Variants in CNTNAP5 observed in about 807,000 individuals in gnomAD.
The protein encoded by CNTNAP5 is contactin-associated protein-like 5.
CNTNAP5 carries 72 observed loss-of-function variants against 150.2 expected under a neutral mutation model. The observed-to-expected ratio is 0.48, with a 90% CI of 0.40 to 0.58. CNTNAP5 has a LOEUF of 0.58. Among genes scored for constraint, CNTNAP5 ranks in the 20% least tolerant of loss-of-function variants. The probability of loss-of-function intolerance (pLI) is 0.00; values close to 1 mark genes in which losing one functional copy is unlikely to be tolerated. For synonymous variants in CNTNAP5, 672 were observed against 619.8 expected (o/e 1.08, Z -1.25); for missense variants, 1,636 against 1,626.2 (o/e 1.01, Z -0.10).
intron 12 of CNTNAP5, among the ~76,000 whole-genome samples, chr2:124,618,025 G>A (rs1364059397): frequency 6.6e-6 from 1 of 152,130 alleles, no homozygotes; most frequent in Non-Finnish European, 1.5e-5. Context: ...CCAACCCACT[G>A]AGCTGACTTG....
chr2:124,179,016 T>C (rs1354226219), intron 1 of CNTNAP5, among the ~76,000 whole-genome samples: 2 of 150,982 alleles, frequency 1.3e-5, no homozygotes, highest in African/African-American at 4.9e-5. Flanking sequence ...GCATTGCATT[T>C]TTAGAGCTCT....
At chr2:124,136,615 T>C (rs1231952274) in intron 1 of CNTNAP5, among the ~76,000 whole-genome samples, 1 of 152,216 alleles carries the variant, frequency 6.6e-6, no homozygotes, top group East Asian at 1.9e-4. Flanking sequence ...TTTGTTCAGG[T>C]ACTTGACGTA....
At chr2:124,067,957 C>T (rs1682202232) in intron 1 of CNTNAP5, among the ~76,000 whole-genome samples, 1 of 152,000 alleles carries the variant, frequency 6.6e-6, no homozygotes, top group Non-Finnish European at 1.5e-5. Context: ...TGGATATATA[C>T]AGTCATATTG....
intron 12 of CNTNAP5, among the ~76,000 whole-genome samples, chr2:124,647,173 T>C (rs890752857): frequency 1.3e-5 from 2 of 152,226 alleles, no homozygotes; most frequent in Non-Finnish European, 2.9e-5. Flanking sequence ...TTGTAAATCT[T>C]CCCAAATATT....
intron 19 of CNTNAP5, among the ~76,000 whole-genome samples, chr2:124,810,914 C>T (rs1237574057): frequency 1.3e-5 from 2 of 151,986 alleles, no homozygotes; most frequent in Non-Finnish European, 2.9e-5. Flanking sequence ...ACCAGGATAG[C>T]CCCCCGATGA....
At chr2:124,886,634 T>C (rs1678086819) in intron 21 of CNTNAP5, among the ~76,000 whole-genome samples, 1 of 152,074 alleles carries the variant, frequency 6.6e-6, no homozygotes, top group South Asian at 2.1e-4. Context: ...CAAGCAAACC[T>C]ACTTTTCAGT....
chr2:124,472,115 T>G (rs567241374), intron 6 of CNTNAP5, among the ~76,000 whole-genome samples: 215 of 152,132 alleles, frequency 1.4e-3, no homozygotes, highest in African/African-American at 5.1e-3. Flanking sequence ...AACTAATTTA[T>G]TACTTAAAAT....
chr2:124,850,178 A>G (rs966833093), intron 19 of CNTNAP5, among the ~76,000 whole-genome samples: 2 of 152,232 alleles, frequency 1.3e-5, no homozygotes, highest in Admixed American at 6.5e-5. Flanking sequence ...TGGTAATAAC[A>G]GTAAAAATAG....
At chr2:124,673,542 C>G (rs984170596) in intron 13 of CNTNAP5, among the ~76,000 whole-genome samples, 1 of 151,080 alleles carries the variant, frequency 6.6e-6, no homozygotes, top group Admixed American at 6.6e-5. Context: ...GTTAATATTT[C>G]CAACAGGCTT....
chr2:124,103,580 T>C (rs12104664), intron 1 of CNTNAP5, among the ~76,000 whole-genome samples: 217 of 152,264 alleles, frequency 1.4e-3, no homozygotes, highest in African/African-American at 5.1e-3. Context: ...ACAAATGCCA[T>C]TGTGTTACAA....
intron 1 of CNTNAP5, among the ~76,000 whole-genome samples, chr2:124,205,875 A>G (rs1220089561): frequency 1.3e-5 from 2 of 152,170 alleles, no homozygotes; most frequent in African/African-American, 4.8e-5. Context: ...AGTCATATGT[A>G]CATGATAATT....
At chr2:124,228,313 C>T (rs1018655490) in intron 2 of CNTNAP5, among the ~76,000 whole-genome samples, 2 of 152,128 alleles carry the variant, frequency 1.3e-5, no homozygotes, top group Non-Finnish European at 2.9e-5. Flanking sequence ...ATGGTGCCTG[C>T]TCACATTGGT....
At chr2:124,256,907 T>C (rs1342284079) in intron 3 of CNTNAP5, among the ~76,000 whole-genome samples, 1 of 152,154 alleles carries the variant, frequency 6.6e-6, no homozygotes, top group Non-Finnish European at 1.5e-5. Context: ...GCTGATTAAG[T>C]ACTTAAGGAT....
intron 1 of CNTNAP5, among the ~76,000 whole-genome samples, chr2:124,098,777 G>C (rs951979406): frequency 6.6e-6 from 1 of 152,066 alleles, no homozygotes; most frequent in East Asian, 1.9e-4. Context: ...TTGAGAAATG[G>C]CGTAGAGCTT....
intron 3 of CNTNAP5, among the ~76,000 whole-genome samples, chr2:124,324,272 C>T (rs922221033): frequency 1.3e-5 from 2 of 152,108 alleles, no homozygotes; most frequent in African/African-American, 2.4e-5. Context: ...TTCTAGGCAG[C>T]CTGGGAGTCC....
At chr2:124,138,523 T>C (rs936808157) in intron 1 of CNTNAP5, among the ~76,000 whole-genome samples, 1 of 152,144 alleles carries the variant, frequency 6.6e-6, no homozygotes, top group Non-Finnish European at 1.5e-5. Flanking sequence ...CCTTAAAGTT[T>C]GTTTGTTTAT....
chr2:124,566,064 G>C (rs1274673516), intron 11 of CNTNAP5, among the ~76,000 whole-genome samples: 1 of 151,652 alleles, frequency 6.6e-6, no homozygotes, highest in Admixed American at 6.6e-5. Flanking sequence ...CCAATCTCTA[G>C]GTTTTAAGTC....
intron 12 of CNTNAP5, 47 bp from the exon 13 acceptor site, chr2:124,647,711 G>A: frequency 4.6e-6 from 7 of 1,514,792 alleles, no homozygotes; most frequent in Non-Finnish European, 6.2e-6. Context: ...CTCCATTTTT[G>A]ACATTGCTTC....
intron 1 of CNTNAP5, among the ~76,000 whole-genome samples, chr2:124,072,856 A>G (rs1682341373): frequency 6.6e-6 from 1 of 152,026 alleles, no homozygotes; most frequent in Non-Finnish European, 1.5e-5. Context: ...TAGAAAAAAG[A>G]ATTCTAAAAC....
Sources: gnomAD v4.1 joint callset for allele counts (sites outside exome capture counted in the v4.1 genomes callset) on GRCh38, gnomAD v4.1.1 for gene constraint, MANE v1.5 for transcripts, NCBI Gene and HGNC (gene_info 2026-07-23, HGNC 2026-07-21) for gene names.